The following MYPN variants were observed in gnomAD, a reference collection of about 807,000 sequenced individuals.
MYPN encodes sarcomeric protein myopalladin, 145 kDa (MYOP).
MYPN carries 63 observed loss-of-function variants against 129.4 expected under a neutral mutation model. That is an observed-to-expected ratio of 0.49 (90% CI 0.40 to 0.60). MYPN has a LOEUF of 0.60. Ranked by LOEUF, MYPN falls within the 20% of genes least tolerant of loss-of-function variation. The pLI is 0.00. For missense variants in MYPN, 1,596 were observed against 1,635.4 expected, an observed-to-expected ratio of 0.98 and a Z score of 0.42; for synonymous variants, 629 against 600.9, an observed-to-expected ratio of 1.05 and a Z score of -0.68.
chr10:68,188,833 T>C, intron 12 of MYPN, 72 bp from the exon 13 acceptor site: 3 of 1,295,968 alleles, frequency 2.3e-6, no homozygotes, highest in Non-Finnish European at 3.3e-6. Context: ...AAAAAGTGGC[T>C]TCCTCAATTG....
chr10:68,197,011 G>C (rs1589609511), intron 15 of MYPN, among the ~76,000 whole-genome samples: 1 of 152,186 alleles, frequency 6.6e-6, no homozygotes, highest in East Asian at 1.9e-4. Context: ...GGTTCAGATT[G>C]AATACTGATC....
intron 6 of MYPN, among the ~76,000 whole-genome samples, chr10:68,155,876 C>T (rs564160366): frequency 6.6e-6 from 1 of 152,314 alleles, no homozygotes; most frequent in Admixed American, 6.5e-5. Context: ...CCATCACAGA[C>T]ATTAGGAGGC....
chr10:68,147,250 G>A (rs543215631), intron 4 of MYPN, among the ~76,000 whole-genome samples: 5 of 152,234 alleles, frequency 3.3e-5, no homozygotes, highest in Admixed American at 2.0e-4. Flanking sequence ...TGCCACCCAG[G>A]TTCAAACGAT....
chr10:68,098,301 T>C (rs1414995722), intron 1 of MYPN, among the ~76,000 whole-genome samples: 2 of 152,140 alleles, frequency 1.3e-5, no homozygotes, highest in East Asian at 3.9e-4. Flanking sequence ...TTTTTTATTA[T>C]TTAAGTTAAA....
chr10:68,202,409 G>T (rs2043733429), intron 18 of MYPN, among the ~76,000 whole-genome samples: 1 of 151,976 alleles, frequency 6.6e-6, no homozygotes, highest in African/African-American at 2.4e-5. Context: ...CTCCAGCCTG[G>T]GTGACAGAGT....
chr10:68,111,036 C>A (rs980372401), intron 1 of MYPN, among the ~76,000 whole-genome samples: 2 of 152,148 alleles, frequency 1.3e-5, no homozygotes, highest in African/African-American at 2.4e-5. Context: ...GTTAAAACCC[C>A]AGTCTTCCAT....
chr10:68,145,271 C>G (rs1037383015), intron 3 of MYPN, among the ~76,000 whole-genome samples: 4 of 151,876 alleles, frequency 2.6e-5, no homozygotes, highest in Non-Finnish European at 5.9e-5. Flanking sequence ...TGATCCACCC[C>G]CCTCGGCCTC....
rs1487310629 is a variant in MYPN, at chr10:68,122,444, C to T, written c.902+104C>T. On this transcript the variant is annotated intron_variant, in intron 2 of 19. Coordinates refer to ENST00000358913, the MANE Select transcript of MYPN (RefSeq NM_032578.4). ...ACCTGGTTTACAAAATTATATACTC[C>T]CTTTGAGAAAAGTAGTCGGTATCTA... is the stretch of plus-strand genomic sequence containing the variant. The T allele has an allele frequency of 2.9e-5, 35 of 1,224,522 alleles. No individual in the cohort carries two copies. In the East Asian group the frequency reaches 8.0e-4, roughly 28 times the overall value. 75.9% of individuals were successfully genotyped at this position (1,224,522 alleles called of 1,614,324 possible).
chr10:68,194,577 T>C, intron 14 of MYPN, 65 bp downstream of exon 14: 4 of 1,556,352 alleles, frequency 2.6e-6, no homozygotes, highest in Non-Finnish European at 3.5e-6. Context: ...TCATTGTGAA[T>C]GAGACCTTGA....
At chr10:68,089,567 G>A (rs563381421) in intron 1 of MYPN, among the ~76,000 whole-genome samples, 3 of 151,916 alleles carry the variant, frequency 2.0e-5, no homozygotes, top group Non-Finnish European at 4.4e-5. Flanking sequence ...GGCTGGTCTC[G>A]ATCTCCTGAC....
At chr10:68,095,211 G>A (rs2041950637) in intron 1 of MYPN, among the ~76,000 whole-genome samples, 1 of 151,986 alleles carries the variant, frequency 6.6e-6, no homozygotes, top group Non-Finnish European at 1.5e-5. Flanking sequence ...GGGTGTGGGT[G>A]TGGAGTCACA....
intron 2 of MYPN, among the ~76,000 whole-genome samples, chr10:68,141,742 A>G (rs1399186436): frequency 6.6e-6 from 1 of 152,180 alleles, no homozygotes; most frequent in Non-Finnish European, 1.5e-5. Context: ...TCATTTTCAC[A>G]AGTATAAGGG....
chr10:68,144,648 T>C (rs1376533231), intron 3 of MYPN, among the ~76,000 whole-genome samples: 1 of 152,184 alleles, frequency 6.6e-6, no homozygotes, highest in Non-Finnish European at 1.5e-5. Context: ...CTGGGTTTTT[T>C]TTTTCTTTGT....
chr10:68,205,617 G>T (rs1012474278), intron 18 of MYPN, among the ~76,000 whole-genome samples: 1 of 151,302 alleles, frequency 6.6e-6, no homozygotes, highest in African/African-American at 2.4e-5. Flanking sequence ...AACCTGGGAG[G>T]GGGAGGGTGC....
At position 68,174,406 on chromosome 10, in the gene MYPN, A is replaced by G. The variant is rs1060503577; in HGVS notation, c.2314A>G (p.Thr772Ala). ...CTTAGTGTCTCACCCCTCTGTGCAA[A>G]CCAAATCTCCAGGAGGGCTTTCCAT... ...SLLVSHPSVQ[T>A]KSPGGLSIQN... Residue 772 changes from threonine (T) to alanine (A), a missense_variant, in exon 11 of 20, where the codon ACC becomes GCC. Transcript: ENST00000358913. 4 of 1,613,924 alleles carry G rather than the reference A, an allele frequency of 2.5e-6. No individual in the cohort carries two copies. The highest frequency in any genetic ancestry group is 3.4e-6 in the Non-Finnish European group (4 of 1,179,994).
intron 18 of MYPN, among the ~76,000 whole-genome samples, chr10:68,206,280 G>A (rs1258333964): frequency 1.3e-5 from 2 of 152,194 alleles, no homozygotes; most frequent in African/African-American, 2.4e-5. Context: ...TGGATGTGGA[G>A]AAAAACAGAA....
chr10:68,196,848 C>T (rs1031036554), intron 15 of MYPN, among the ~76,000 whole-genome samples: 3 of 151,938 alleles, frequency 2.0e-5, no homozygotes, highest in Admixed American at 6.6e-5. Flanking sequence ...CAGCTGTTAC[C>T]GTTGGTCAGT....
At chr10:68,140,518 T>A (rs1256826062) in intron 2 of MYPN, among the ~76,000 whole-genome samples, 1 of 151,932 alleles carries the variant, frequency 6.6e-6, no homozygotes, top group African/African-American at 2.4e-5. Context: ...TTTTTTTTTT[T>A]AGGTGAAGTT....
At chr10:68,152,516 C>T (rs1184850432) in intron 6 of MYPN, among the ~76,000 whole-genome samples, 1 of 152,168 alleles carries the variant, frequency 6.6e-6, no homozygotes, top group African/African-American at 2.4e-5. Flanking sequence ...CTTTCAATCT[C>T]TCCCGTTCAC....
Sources: gnomAD v4.1 joint callset for allele counts (sites outside exome capture counted in the v4.1 genomes callset) on GRCh38, gnomAD v4.1.1 for gene constraint, MANE v1.5 for transcripts, NCBI Gene and HGNC (gene_info 2026-07-23, HGNC 2026-07-21) for gene names.